Variants in TSHZ3 observed in about 807,000 individuals in gnomAD.
TSHZ3 encodes the protein teashirt homolog 3.
TSHZ3 carries 10 observed loss-of-function variants against 64.5 expected under a neutral mutation model. The ratio of observed to expected loss-of-function variants is 0.16; its 90% CI spans 0.10 to 0.26. TSHZ3 has a LOEUF of 0.26. Among genes scored for constraint, TSHZ3 ranks in the 10% least tolerant of loss-of-function variants. TSHZ3 has a pLI of 1.00. For missense variants in TSHZ3, 1,242 were observed against 1,421.7 expected (o/e 0.87, Z 2.03); for synonymous variants, 608 against 593.1 (o/e 1.03, Z -0.36).
At chr19:31,269,494 G>A (rs760655389) in intron 1 of TSHZ3, among the ~76,000 whole-genome samples, 19 of 151,714 alleles carry the variant, frequency 1.3e-4, no homozygotes, top group Non-Finnish European at 2.6e-4. Context: ...ACCCAGCCCT[G>A]GTTTCTGGAC....
At position 31,303,177 on chromosome 19, in the gene TSHZ3, GACA is replaced by G. The variant is rs1233108529; in HGVS notation, c.41-23428_41-23426del. Among the ~76,000 whole-genome samples the G allele has an allele frequency of 2.0e-5, 3 of 152,316 alleles. 1 individual carries two copies. The highest frequency in any genetic ancestry group is 7.2e-5 in the African/African-American group (3 of 41,570). On this transcript the variant is annotated intron_variant, in intron 1 of 1. Transcript: ENST00000240587. ...GTGGCCCAGGCTAATGGGTGGGGTTGACAACATCAGATTCCTAACAGCCAAGCC... is the reference window on the plus strand; with the variant it reads ...GTGGCCCAGGCTAATGGGTGGGGTTGACATCAGATTCCTAACAGCCAAGCC...
At chr19:31,188,988 T>A (rs1974859203) in intron 5 of TSHZ3, among the ~76,000 whole-genome samples, 1 of 151,950 alleles carries the variant, frequency 6.6e-6, no homozygotes, top group African/African-American at 2.4e-5. Context: ...TTATGTTCTG[T>A]GTGTTAATTT....
exon 5 of TSHZ3, chr19:31,204,990 A>T (rs1975145032): frequency 6.6e-6 from 1 of 152,406 alleles, no homozygotes; most frequent in Admixed American, 6.5e-5. Flanking sequence ...TTTTGTAATG[A>T]TGCAGCAGCG....
intron 5 of TSHZ3, chr19:31,167,542 A>T (rs1974471692): frequency 6.6e-6 from 1 of 152,208 alleles, no homozygotes; most frequent in African/African-American, 2.4e-5. Flanking sequence ...AGGGTTTTCA[A>T]CTGCATCTCT....
At chr19:31,207,206 A>C (rs956961419) in intron 4 of TSHZ3, among the ~76,000 whole-genome samples, 1 of 152,228 alleles carries the variant, frequency 6.6e-6, no homozygotes, top group African/African-American at 2.4e-5. Flanking sequence ...AAAGTACAAA[A>C]GTCTATTCCT....
rs537497393 is a variant in TSHZ3 at position 31,184,962 on chromosome 19, G to C, written n.809+19994C>G. Among the ~76,000 whole-genome samples, 51 of 152,296 alleles carry C rather than the reference G, an allele frequency of 3.3e-4. 1 individual carries two copies. The highest frequency in any genetic ancestry group is 2.2e-4 in the Non-Finnish European group (15 of 68,018). On this transcript the variant is annotated intron_variant and non_coding_transcript_variant, in intron 5 of 6. Coordinates refer to the TSHZ3 transcript ENST00000651361. ...TTTTTCCCCCCAAGGGGTTAAGGAA[G>C]ATTGCTCAGTTACAACCTCTGTGCT... is the stretch of plus-strand genomic sequence containing the variant.
At chr19:31,326,426 C>T (rs998004934) in intron 1 of TSHZ3, among the ~76,000 whole-genome samples, 4 of 152,244 alleles carry the variant, frequency 2.6e-5, no homozygotes, top group South Asian at 4.1e-4. Context: ...ACTGTCAAAT[C>T]TTTCAGGGCT....
intron 5 of TSHZ3, among the ~76,000 whole-genome samples, chr19:31,202,645 C>T (rs915995200): frequency 6.6e-6 from 1 of 152,112 alleles, no homozygotes; most frequent in Non-Finnish European, 1.5e-5. Context: ...CATTCATGAA[C>T]ACACATGAAA....
Position 31,234,086 on chromosome 19 carries a change from C to T in TSHZ3, n.551-5946G>A, listed in dbSNP as rs117145891. On this transcript the variant is annotated intron_variant and non_coding_transcript_variant, in intron 3 of 6. Coordinates refer to the TSHZ3 transcript ENST00000651361. ...AGTTAATTTAGCTCTTCCTTAATTT[C>T]TTTCAAAAATGTTTTATAGCTTTCC... Among the ~76,000 whole-genome samples, 57 of 152,168 alleles carry T rather than the reference C, an allele frequency of 3.7e-4. No individual in the cohort carries two copies. The East Asian group carries it at 7.5e-3, about 20-fold the overall frequency.
chr19:31,184,235 G>C (rs143966131), intron 5 of TSHZ3, among the ~76,000 whole-genome samples: 20 of 152,240 alleles, frequency 1.3e-4, no homozygotes, highest in African/African-American at 4.8e-4. Flanking sequence ...GTAGGAAAAA[G>C]CTCTCTTTCT....
chr19:31,314,924 GGAC>G (rs946401603), intron 1 of TSHZ3, among the ~76,000 whole-genome samples: 1 of 152,220 alleles, frequency 6.6e-6, no homozygotes, highest in Admixed American at 6.5e-5. Flanking sequence ...CTATGAGAAA[GGAC>G]GACGGGTCCT....
intron 1 of TSHZ3, among the ~76,000 whole-genome samples, chr19:31,336,195 C>T (rs1364680814): frequency 6.6e-6 from 1 of 152,178 alleles, no homozygotes; most frequent in African/African-American, 2.4e-5. Flanking sequence ...AGATATGCCA[C>T]TTTCTATCTA....
intron 1 of TSHZ3, among the ~76,000 whole-genome samples, chr19:31,323,893 C>T (rs866691741): frequency 1.5e-4 from 23 of 151,512 alleles, no homozygotes; most frequent in Middle Eastern, 3.4e-3. Context: ...CACACACACA[C>T]ACACACACAC....
chr19:31,323,700 A>G (rs1046977011), intron 1 of TSHZ3, among the ~76,000 whole-genome samples: 2 of 152,114 alleles, frequency 1.3e-5, no homozygotes, highest in Non-Finnish European at 2.9e-5. Flanking sequence ...ACCAGGAAGA[A>G]GTTGGCTTCA....
chr19:31,227,474 A>G (rs114480303), intron 4 of TSHZ3, among the ~76,000 whole-genome samples: 2,072 of 152,298 alleles, frequency 0.014, 44 homozygotes, highest in African/African-American at 0.046. Context: ...AGAAGCCTGA[A>G]GAGACTGGGC....
chr19:31,322,725 T>C (rs545749707), intron 1 of TSHZ3, among the ~76,000 whole-genome samples: 1 of 152,348 alleles, frequency 6.6e-6, no homozygotes, highest in South Asian at 2.1e-4. Flanking sequence ...CAGCCAGTAC[T>C]TACTTTTTGA....
chr19:31,254,284 G>T (rs1316496550), intron 1 of TSHZ3, among the ~76,000 whole-genome samples: 1 of 152,154 alleles, frequency 6.6e-6, no homozygotes, highest in Non-Finnish European at 1.5e-5. Flanking sequence ...GGGTACCCTG[G>T]GTACCAGAGT....
At chr19:31,338,819 T>C (rs376819059) in intron 1 of TSHZ3, among the ~76,000 whole-genome samples, 19 of 151,422 alleles carry the variant, frequency 1.3e-4, no homozygotes, top group Middle Eastern at 3.4e-3. Flanking sequence ...TCCATCTTTT[T>C]TTTCTTTCTT....
At position 31,223,846 on chromosome 19, in the gene TSHZ3, G is replaced by A. The variant is rs145743475; in HGVS notation, n.686+4159C>T. 6.7e-3 allele frequency among the ~76,000 whole-genome samples: 1,013 copies of A among 152,154 alleles called. 22 individuals carry two copies. Among genetic ancestry groups the A allele is most frequent in the Admixed American group, 5.4e-3 (83 of 15,280 alleles). On this transcript the variant is annotated intron_variant and non_coding_transcript_variant, in intron 4 of 6. Coordinates refer to the TSHZ3 transcript ENST00000651361. ...GGCCTTGACTGTCCTAGCTGGAGCGGGGGTGGGGGTGATGGGGGTTCTTCC... is the reference window on the plus strand; with the variant it reads ...GGCCTTGACTGTCCTAGCTGGAGCGAGGGTGGGGGTGATGGGGGTTCTTCC...
Sources: gnomAD v4.1 joint callset for allele counts (sites outside exome capture counted in the v4.1 genomes callset) on GRCh38, gnomAD v4.1.1 for gene constraint, MANE v1.5 for transcripts, NCBI Gene and HGNC (gene_info 2026-07-23, HGNC 2026-07-21) for gene names.